ADK: variants seen among roughly 807,000 people sequenced by gnomAD.
ADK encodes the protein N6,N6-dimethyladenosine kinase.
A neutral mutation model predicts 44.7 loss-of-function variants in ADK; 24 were observed. The observed-to-expected ratio is 0.54, with a 90% CI of 0.39 to 0.76. The LOEUF is 0.76. Among genes scored for constraint, ADK ranks in the 30% least tolerant of loss-of-function variants. The probability of loss-of-function intolerance (pLI) is 0.00; values close to 1 mark genes in which losing one functional copy is unlikely to be tolerated. For missense variants in ADK, 321 were observed against 425.1 expected (o/e 0.76, Z 2.15); for synonymous variants, 128 against 142.6 (o/e 0.90, Z 0.73).
At chr10:74,267,076 A>G (rs991364654) in intron 3 of ADK, among the ~76,000 whole-genome samples, 1 of 152,208 alleles carries the variant, frequency 6.6e-6, no homozygotes, top group African/African-American at 2.4e-5. Context: ...ATACATTTCC[A>G]TTGTATTAGA....
chr10:74,615,278 G>A (rs1232718788), intron 9 of ADK, among the ~76,000 whole-genome samples: 1 of 152,076 alleles, frequency 6.6e-6, no homozygotes, highest in Admixed American at 6.5e-5. Context: ...CACTCATTAT[G>A]GTTACATTAT....
chr10:74,381,748 T>G (rs1374001300), intron 4 of ADK, among the ~76,000 whole-genome samples: 1 of 152,228 alleles, frequency 6.6e-6, no homozygotes, highest in Non-Finnish European at 1.5e-5. Flanking sequence ...AAAATATCTT[T>G]GCTGCTTTGA....
chr10:74,376,347 TATC>T (rs1268086847), intron 4 of ADK, among the ~76,000 whole-genome samples: 3 of 152,136 alleles, frequency 2.0e-5, no homozygotes, highest in Non-Finnish European at 2.9e-5. Flanking sequence ...TTTGTTTTCT[TATC>T]ATATATCAAG....
intron 4 of ADK, among the ~76,000 whole-genome samples, chr10:74,376,084 C>G (rs1328017267): frequency 6.6e-6 from 1 of 151,742 alleles, no homozygotes; most frequent in Admixed American, 6.6e-5. Flanking sequence ...GTACTTGGAT[C>G]CGTGTTTGAA....
chr10:74,267,710 C>G (rs1846260820), intron 3 of ADK, among the ~76,000 whole-genome samples: 1 of 150,116 alleles, frequency 6.7e-6, no homozygotes, highest in South Asian at 2.1e-4. Context: ...ACCTCATCTT[C>G]TAGAGGTAGG....
At chr10:74,304,099 T>A (rs1440070107) in intron 3 of ADK, among the ~76,000 whole-genome samples, 2 of 152,216 alleles carry the variant, frequency 1.3e-5, no homozygotes, top group African/African-American at 2.4e-5. Flanking sequence ...AGCTGTAACA[T>A]TTGGTTAATT....
At chr10:74,153,883 T>A (rs187856532) in intron 1 of ADK, among the ~76,000 whole-genome samples, 1 of 152,232 alleles carries the variant, frequency 6.6e-6, no homozygotes, top group Non-Finnish European at 1.5e-5. Context: ...ACGTGCCAAG[T>A]CTTTTCCTTC....
intron 7 of ADK, among the ~76,000 whole-genome samples, chr10:74,543,318 GT>G: frequency 6.6e-6 from 1 of 151,844 alleles, no homozygotes; most frequent in Admixed American, 6.5e-5. Flanking sequence ...ACCTCCCAAA[GT>G]GCTGGTATTA....
chr10:74,373,312 G>T (rs1440324586), intron 4 of ADK, among the ~76,000 whole-genome samples: 2 of 151,986 alleles, frequency 1.3e-5, no homozygotes, highest in Non-Finnish European at 2.9e-5. Flanking sequence ...TAAGAGAAAA[G>T]AATAAATAAA....
In ADK at chr10:74,320,233, A is replaced by G. The variant is rs560666004; in HGVS notation, c.273+5488A>G. ...TTATTATAGGATAGTTTTGTTGGAT[A>G]TAGAATTCTTGGTTAACGGTGCTTT... On this transcript the variant is annotated intron_variant, in intron 4 of 10. Transcript: ENST00000539909. Among the ~76,000 whole-genome samples, 156 of 152,306 alleles carry G rather than the reference A, an allele frequency of 1.0e-3. 1 individual carries two copies. The highest frequency in any genetic ancestry group is 1.8e-3 in the Non-Finnish European group (122 of 68,016).
intron 3 of ADK, among the ~76,000 whole-genome samples, chr10:74,239,755 T>C (rs1002079819): frequency 5.7e-5 from 8 of 140,100 alleles, no homozygotes; most frequent in Admixed American, 2.1e-4. Context: ...ACAATAAAAG[T>C]AAAATTGTAT....
Position 74,446,071 on chromosome 10 carries a change from G to A in ADK, c.555+47492G>A, listed in dbSNP as rs533392059. On this transcript the variant is annotated intron_variant, in intron 6 of 10. Coordinates refer to ENST00000539909, the MANE Select transcript of ADK (RefSeq NM_006721.4). ...TTAGCTAAAACCCAATAAATAAATTGGGAATAGATTCTGCTAGTTGAATGC... is the reference window on the plus strand; with the variant it reads ...TTAGCTAAAACCCAATAAATAAATTAGGAATAGATTCTGCTAGTTGAATGC... Among the ~76,000 whole-genome samples the A allele has an allele frequency of 1.6e-4, 25 of 152,068 alleles. 1 individual carries two copies. Among genetic ancestry groups the A allele is most frequent in the African/African-American group, 6.0e-4 (25 of 41,522 alleles).
intron 10 of ADK, among the ~76,000 whole-genome samples, chr10:74,682,726 A>G (rs887914629): frequency 6.6e-6 from 1 of 151,878 alleles, no homozygotes; most frequent in South Asian, 2.1e-4. Flanking sequence ...GGTGTGCACC[A>G]CCACTCCTGG....
chr10:74,372,091 G>T (rs1280920752), intron 4 of ADK: 2 of 753,434 alleles, frequency 2.7e-6, no homozygotes, highest in Non-Finnish European at 4.9e-6. Flanking sequence ...TTGCGCGCGT[G>T]TGGCACCATT....
chr10:74,523,935 C>T (rs1848936657), intron 6 of ADK, among the ~76,000 whole-genome samples: 1 of 152,124 alleles, frequency 6.6e-6, no homozygotes, highest in Admixed American at 6.5e-5. Context: ...TTATTCCTTC[C>T]TTTCACGGAA....
At chr10:74,639,060 C>T (rs1036785946) in intron 9 of ADK, among the ~76,000 whole-genome samples, 2 of 152,222 alleles carry the variant, frequency 1.3e-5, no homozygotes, top group Non-Finnish European at 1.5e-5. Context: ...CCACCCACCT[C>T]AACTTCCCAA....
intron 1 of ADK, among the ~76,000 whole-genome samples, chr10:74,192,162 C>A (rs1842972142): frequency 6.6e-6 from 1 of 151,908 alleles, no homozygotes; most frequent in Non-Finnish European, 1.5e-5. Flanking sequence ...GTTTGTTTAC[C>A]TATTTACTTG....
At chr10:74,524,921 T>G (rs1848979634) in intron 6 of ADK, among the ~76,000 whole-genome samples, 1 of 152,186 alleles carries the variant, frequency 6.6e-6, no homozygotes, top group African/African-American at 2.4e-5. Context: ...CAGTTTGCCT[T>G]CATAGTACAA....
At chr10:74,607,811 T>TGGTTTTTAGAAACCTGTA (rs1229086959) in intron 9 of ADK, among the ~76,000 whole-genome samples, 1 of 152,140 alleles carries the variant, frequency 6.6e-6, no homozygotes, top group Non-Finnish European at 1.5e-5. Context: ...TCTTGGATAA[T>TGGTTTTTAGAAACCTGTA]ATTCTGAAGA....
Sources: allele counts gnomAD v4.1 joint callset (sites outside exome capture counted in the v4.1 genomes callset), GRCh38; gene constraint gnomAD v4.1.1; transcripts MANE v1.5; gene names NCBI Gene and HGNC (gene_info 2026-07-23, HGNC 2026-07-21).